ERBB4: variants seen among roughly 807,000 people sequenced by gnomAD.
The protein encoded by ERBB4 is erb-b2 receptor tyrosine kinase 4.
Under a neutral mutation model 158.0 loss-of-function variants are expected in ERBB4, and 42 were observed. That is an observed-to-expected ratio of 0.27 (90% CI 0.21 to 0.34). The LOEUF is 0.34. Among genes scored for constraint, ERBB4 ranks in the 10% least tolerant of loss-of-function variants. The probability of loss-of-function intolerance (pLI) is 1.00; values close to 1 mark genes in which losing one functional copy is unlikely to be tolerated. For missense variants in ERBB4, 1,333 were observed against 1,624.1 expected, an observed-to-expected ratio of 0.82 and a Z score of 3.08; for synonymous variants, 583 against 558.7, an observed-to-expected ratio of 1.04 and a Z score of -0.61.
At chr2:212,105,289 CAA>C (rs2079191977) in intron 2 of ERBB4, among the ~76,000 whole-genome samples, 1 of 152,078 alleles carries the variant, frequency 6.6e-6, no homozygotes, top group South Asian at 2.1e-4. Flanking sequence ...CAATGTTTTC[CAA>C]AGAGTGGTAT....
intron 16 of ERBB4, among the ~76,000 whole-genome samples, chr2:211,655,718 A>C (rs1052309876): frequency 2.0e-5 from 3 of 152,198 alleles, no homozygotes; most frequent in Admixed American, 2.0e-4. Context: ...TAAATATAGG[A>C]ACAATCTAAG....
At chr2:211,385,910 T>C (rs967400653) in intron 27 of ERBB4, among the ~76,000 whole-genome samples, 7 of 152,196 alleles carry the variant, frequency 4.6e-5, no homozygotes, top group African/African-American at 1.7e-4. Flanking sequence ...GCATCCAAAC[T>C]CTTCATTACA....
chr2:211,673,804 T>C (rs2071946158), intron 13 of ERBB4, among the ~76,000 whole-genome samples: 1 of 152,126 alleles, frequency 6.6e-6, no homozygotes, highest in Non-Finnish European at 1.5e-5. Context: ...CCTTGGAGAA[T>C]TAGAGAAAAC....
At chr2:211,636,607 T>C (rs931128077) in intron 16 of ERBB4, among the ~76,000 whole-genome samples, 2 of 151,984 alleles carry the variant, frequency 1.3e-5, no homozygotes, top group African/African-American at 4.8e-5. Flanking sequence ...ATGCCACTTT[T>C]ACTCTCCAAA....
chr2:212,136,021 T>C (rs1389863061), intron 1 of ERBB4, among the ~76,000 whole-genome samples: 1 of 152,168 alleles, frequency 6.6e-6, no homozygotes, highest in Non-Finnish European at 1.5e-5. Flanking sequence ...CTTTCTTCTC[T>C]AGATTATCAT....
chr2:211,881,031 G>C (rs752597237), intron 3 of ERBB4, among the ~76,000 whole-genome samples: 1 of 152,134 alleles, frequency 6.6e-6, no homozygotes, highest in Non-Finnish European at 1.5e-5. Context: ...CAAGACCATG[G>C]CACTCAGATC....
intron 1 of ERBB4, among the ~76,000 whole-genome samples, chr2:212,293,873 A>AAT (rs1553612446): frequency 2.4e-4 from 35 of 146,154 alleles, no homozygotes; most frequent in African/African-American, 9.3e-4. Context: ...AAAAAAAAAA[A>AAT]CATACATTTG....
chr2:211,955,411 A>G (rs2081000011), intron 2 of ERBB4, among the ~76,000 whole-genome samples: 1 of 152,042 alleles, frequency 6.6e-6, no homozygotes, highest in South Asian at 2.1e-4. Flanking sequence ...CTGGAGGGTT[A>G]ATAGTCCCCC....
intron 2 of ERBB4, among the ~76,000 whole-genome samples, chr2:212,003,112 A>AAGGAAGGAAGGAAG (rs2076147811): frequency 1.2e-4 from 6 of 48,184 alleles, no homozygotes; most frequent in East Asian, 8.5e-4. Flanking sequence ...AAAGAAAGAA[A>AAGGAAGGAAGGAAG]GAAGGAAGGA....
intron 20 of ERBB4, among the ~76,000 whole-genome samples, chr2:211,550,540 T>A (rs1377213825): frequency 2.0e-5 from 3 of 147,642 alleles, no homozygotes; most frequent in Non-Finnish European, 4.5e-5. Context: ...TTGGGACTCA[T>A]CAGCCTCCAT....
rs114737895 is a variant in ERBB4 at position 211,516,309 on chromosome 2, A to G, written c.2487+45594T>C. ...ATGGAATCTCTTTTGTGGGTTTGTT[A>G]AAACTTTATTTCTTCCCTTTTTTTT... On this transcript the variant is annotated intron_variant, in intron 20 of 27. Transcript: ENST00000342788. Among the ~76,000 whole-genome samples the G allele has an allele frequency of 7.4e-3, 1,114 of 151,308 alleles. 13 individuals are homozygous for G. Among genetic ancestry groups the G allele is most frequent in the African/African-American group, 0.026 (1,070 of 41,286 alleles).
chr2:211,871,437 T>C (rs1003509193), intron 3 of ERBB4, among the ~76,000 whole-genome samples: 1 of 152,132 alleles, frequency 6.6e-6, no homozygotes, highest in Non-Finnish European at 1.5e-5. Flanking sequence ...ATTAATTGAT[T>C]AGACTCCATC....
At chr2:212,277,423 G>A (rs942162988) in intron 1 of ERBB4, among the ~76,000 whole-genome samples, 15 of 151,654 alleles carry the variant, frequency 9.9e-5, no homozygotes, top group East Asian at 9.7e-4. Flanking sequence ...TTTCACCCCC[G>A]AATAAATAAG....
At chr2:211,771,315 T>C (rs566088642) in intron 4 of ERBB4, among the ~76,000 whole-genome samples, 1 of 152,326 alleles carries the variant, frequency 6.6e-6, no homozygotes, top group South Asian at 2.1e-4. Context: ...TATTTTTTCT[T>C]CCAACAAGCT....
intron 4 of ERBB4, among the ~76,000 whole-genome samples, chr2:211,784,021 A>G (rs181049856): frequency 6.6e-6 from 1 of 152,308 alleles, no homozygotes; most frequent in East Asian, 1.9e-4. Flanking sequence ...TTGGTAGGCT[A>G]TTAATTATTG....
chr2:211,732,351 GGT>G (rs2074450254), intron 5 of ERBB4, among the ~76,000 whole-genome samples: 4 of 144,370 alleles, frequency 2.8e-5, no homozygotes, highest in Admixed American at 2.7e-4. Flanking sequence ...GGCTCTCAGA[GGT>G]CTTTTTTGAA....
intron 6 of ERBB4, among the ~76,000 whole-genome samples, chr2:211,723,218 A>C (rs1384618208): frequency 6.6e-6 from 1 of 152,204 alleles, no homozygotes; most frequent in Admixed American, 6.5e-5. Flanking sequence ...ATTTATATTC[A>C]TAACTCAATT....
At chr2:211,499,610 G>A (rs1257565048) in intron 20 of ERBB4, among the ~76,000 whole-genome samples, 1 of 152,016 alleles carries the variant, frequency 6.6e-6, no homozygotes, top group African/African-American at 2.4e-5. Context: ...CACATACTAA[G>A]CAACAGAGCT....
intron 4 of ERBB4, among the ~76,000 whole-genome samples, chr2:211,757,544 T>C (rs1014581207): frequency 1.3e-5 from 2 of 152,168 alleles, no homozygotes; most frequent in African/African-American, 4.8e-5. Context: ...GAACAGCATA[T>C]ATACTCATGT....
Sources: allele counts gnomAD v4.1 joint callset (sites outside exome capture counted in the v4.1 genomes callset), GRCh38; gene constraint gnomAD v4.1.1; transcripts MANE v1.5; gene names NCBI Gene and HGNC (gene_info 2026-07-23, HGNC 2026-07-21).